The following DCC variants were observed in gnomAD, a reference collection of about 807,000 sequenced individuals.
The protein encoded by DCC is DCC netrin 1 receptor.
Under a neutral mutation model 172.5 loss-of-function variants are expected in DCC, and 58 were observed. The observed-to-expected ratio is 0.34, with a 90% CI of 0.27 to 0.42. The LOEUF (loss-of-function observed/expected upper bound fraction) is 0.42. DCC is among the 10% of genes least tolerant of loss of function. The pLI is 1.00. For synonymous variants in DCC, 709 were observed against 644.5 expected (o/e 1.10, Z -1.52); for missense variants, 1,740 against 1,791.0 (o/e 0.97, Z 0.51).
At chr18:53,196,368 CA>C (rs1031763648) in intron 9 of DCC, among the ~76,000 whole-genome samples, 1 of 152,084 alleles carries the variant, frequency 6.6e-6, no homozygotes, top group African/African-American at 2.4e-5. Flanking sequence ...AAGTAAAATT[CA>C]AAAAGCTCTA....
chr18:52,807,998 G>T (rs2038119424), intron 2 of DCC, among the ~76,000 whole-genome samples: 2 of 152,150 alleles, frequency 1.3e-5, no homozygotes, highest in South Asian at 4.1e-4. Context: ...TGGCTCAGGG[G>T]CCTTGGCTCT....
chr18:53,293,860 T>C (rs541815290), intron 12 of DCC, among the ~76,000 whole-genome samples: 1 of 152,296 alleles, frequency 6.6e-6, no homozygotes, highest in South Asian at 2.1e-4. Context: ...ACTTTGGAAG[T>C]GTGCAAAATA....
chr18:52,349,409 A>G (rs904246118), intron 1 of DCC, among the ~76,000 whole-genome samples: 1 of 152,140 alleles, frequency 6.6e-6, no homozygotes, highest in South Asian at 2.1e-4. Flanking sequence ...TTTCAGTCTC[A>G]TGGGATCCCA....
intron 9 of DCC, among the ~76,000 whole-genome samples, chr18:53,202,924 T>C (rs2144542912): frequency 6.6e-6 from 1 of 152,304 alleles, no homozygotes; most frequent in African/African-American, 2.4e-5. Flanking sequence ...TATTTAGTAC[T>C]GTTCCAACTC....
chr18:53,100,486 AAAGAG>A (rs1418007454), intron 7 of DCC, among the ~76,000 whole-genome samples: 4 of 152,134 alleles, frequency 2.6e-5, no homozygotes, highest in Non-Finnish European at 5.9e-5. Context: ...AAGTCAGAGA[AAAGAG>A]AGAGACAGAA....
chr18:52,547,449 A>G (rs1262789545), intron 1 of DCC, among the ~76,000 whole-genome samples: 1 of 152,130 alleles, frequency 6.6e-6, no homozygotes, highest in African/African-American at 2.4e-5. Context: ...TTCAATAGCT[A>G]TTTAGTGAGT....
chr18:53,263,866 C>T (rs1467716180), intron 12 of DCC, among the ~76,000 whole-genome samples: 5 of 151,724 alleles, frequency 3.3e-5, no homozygotes, highest in Admixed American at 2.6e-4. Context: ...GATATTATAT[C>T]CTTCTCAATT....
chr18:52,373,142 T>C (rs1330891984), intron 1 of DCC, among the ~76,000 whole-genome samples: 1 of 152,160 alleles, frequency 6.6e-6, no homozygotes, highest in Non-Finnish European at 1.5e-5. Flanking sequence ...TGGGAGAAGA[T>C]ACGTGAATTT....
chr18:53,176,729 T>A (rs1598877842), intron 8 of DCC, among the ~76,000 whole-genome samples: 1 of 151,614 alleles, frequency 6.6e-6, no homozygotes, highest in East Asian at 2.0e-4. Context: ...ACACTGTTGC[T>A]GGGACTGTAA....
At chr18:53,282,602 G>A (rs2056885813) in intron 12 of DCC, among the ~76,000 whole-genome samples, 1 of 152,090 alleles carries the variant, frequency 6.6e-6, no homozygotes. Flanking sequence ...AAGCATTATA[G>A]GAGCATAGAA....
Position 53,428,974 on chromosome 18 carries a change from CAT to C in DCC, c.3164-6161_3164-6160del, listed in dbSNP as rs1224212755. 4.8e-4 allele frequency among the ~76,000 whole-genome samples: 27 copies of C among 55,806 alleles called. 6 individuals are homozygous for C. The highest frequency in any genetic ancestry group is 8.9e-4 in the African/African-American group (13 of 14,680). The allele number at this position is 55,806 out of a possible 152,430, so 36.6% of individuals were successfully genotyped here. ...ATAACATATTATATTTTATATATAA[CAT>C]ATATATATTTTATATATTTTTTATA... is the stretch of plus-strand genomic sequence containing the variant. On this transcript the variant is annotated intron_variant, in intron 21 of 28. Transcript: ENST00000442544.
At chr18:52,928,828 G>A (rs1054641237) in intron 5 of DCC, among the ~76,000 whole-genome samples, 3 of 152,112 alleles carry the variant, frequency 2.0e-5, no homozygotes, top group Non-Finnish European at 4.4e-5. Context: ...GTTTGCATCT[G>A]CATGGGAGGC....
At chr18:52,870,250 C>G (rs1253081274) in intron 2 of DCC, among the ~76,000 whole-genome samples, 1 of 152,120 alleles carries the variant, frequency 6.6e-6, no homozygotes, top group Non-Finnish European at 1.5e-5. Context: ...AGGCTCCAGG[C>G]CTGGTAGCAG....
At chr18:52,384,563 CTT>C (rs1287117245) in intron 1 of DCC, among the ~76,000 whole-genome samples, 2 of 152,094 alleles carry the variant, frequency 1.3e-5, no homozygotes, top group African/African-American at 4.8e-5. Flanking sequence ...GTAACAAAAG[CTT>C]TTGCTGTTGT....
At chr18:53,091,044 G>T (rs1384578315) in intron 7 of DCC, among the ~76,000 whole-genome samples, 2 of 152,104 alleles carry the variant, frequency 1.3e-5, no homozygotes, top group East Asian at 3.9e-4. Context: ...TGCTGAACCA[G>T]TAATCGATTT....
At chr18:53,152,985 G>A (rs988889695) in intron 7 of DCC, among the ~76,000 whole-genome samples, 2 of 152,140 alleles carry the variant, frequency 1.3e-5, no homozygotes, top group Non-Finnish European at 1.5e-5. Context: ...GAAGCCTAAG[G>A]AGAAAAGAGG....
intron 1 of DCC, among the ~76,000 whole-genome samples, chr18:52,620,199 AT>A (rs2144857943): frequency 6.6e-6 from 1 of 152,276 alleles, no homozygotes; most frequent in East Asian, 1.9e-4. Context: ...TTTGGACAAA[AT>A]TTTTCACCTC....
intron 1 of DCC, among the ~76,000 whole-genome samples, chr18:52,587,765 C>T (rs574623226): frequency 1.4e-3 from 217 of 152,242 alleles, no homozygotes; most frequent in African/African-American, 5.0e-3. Context: ...TTGGGTGGTG[C>T]CTGTGTGTCG....
chr18:52,874,386 C>G (rs2039370688), intron 2 of DCC, among the ~76,000 whole-genome samples: 1 of 152,124 alleles, frequency 6.6e-6, no homozygotes, highest in African/African-American at 2.4e-5. Context: ...ATACGGACTT[C>G]TTTATAATCA....
Sources: gnomAD v4.1 joint callset for allele counts (sites outside exome capture counted in the v4.1 genomes callset) on GRCh38, gnomAD v4.1.1 for gene constraint, MANE v1.5 for transcripts, NCBI Gene and HGNC (gene_info 2026-07-23, HGNC 2026-07-21) for gene names.